The following FANCI variants were observed in gnomAD, a reference collection of about 807,000 sequenced individuals.
FANCI encodes FA complementation group I.
In FANCI, 156 loss-of-function variants were observed where a neutral mutation model predicts 176.1. The observed-to-expected ratio is 0.89, with a 90% CI of 0.78 to 1.01. FANCI has a LOEUF of 1.01. FANCI is among the 50% of genes least tolerant of loss of function. The probability of loss-of-function intolerance (pLI) is 0.00; values close to 1 mark genes in which losing one functional copy is unlikely to be tolerated. For synonymous variants in FANCI, 613 were observed against 541.7 expected (o/e 1.13, Z -1.83); for missense variants, 1,678 against 1,534.1 (o/e 1.09, Z -1.57).
Position 89,292,754 on chromosome 15 carries a change from C to T in FANCI, c.2059C>T (p.Gln687Ter). The change falls in exon 21 of 38, where the codon CAG becomes TAG. Residue 687 changes from glutamine to a stop codon, truncating the protein, a stop_gained. Transcript: ENST00000310775. LOFTEE classifies it high-confidence loss of function. ...TAAGAATACAGTCATACCCTTACAG[C>T]AGGGAGAGGAGGAAGAGGAGGAGGA... ...WYKNTVIPLQ[Q>*]GEEEEEEEEA... 1 of 1,613,826 alleles carries T rather than the reference C, an allele frequency of 6.2e-7. No individual in the cohort carries two copies.
chr15:89,308,049 A>T, intron 34 of FANCI: 1 of 1,153,636 alleles, frequency 8.7e-7, no homozygotes. Context: ...ATGAGACGGC[A>T]GTGCAGTGAG....
chr15:89,250,926 AAAG>A (rs2052219965), intron 2 of FANCI, among the ~76,000 whole-genome samples: 1 of 151,838 alleles, frequency 6.6e-6, no homozygotes, highest in Non-Finnish European at 1.5e-5. Context: ...AACCTAGAAA[AAAG>A]AGAAAGTAAA....
intron 35 of FANCI, among the ~76,000 whole-genome samples, chr15:89,313,767 C>T (rs1809824138): frequency 6.6e-6 from 1 of 151,910 alleles, no homozygotes; most frequent in Non-Finnish European, 1.5e-5. Context: ...TAATAGAGGA[C>T]TGGCTAAATA....
intron 16 of FANCI, chr15:89,282,173 C>T: frequency 2.9e-6 from 1 of 349,838 alleles, no homozygotes; most frequent in South Asian, 2.5e-5. Context: ...CTTGTGATGT[C>T]AAGTACTTTG....
intron 2 of FANCI, among the ~76,000 whole-genome samples, chr15:89,253,987 C>G (rs945085170): frequency 6.6e-6 from 1 of 152,150 alleles, no homozygotes; most frequent in Non-Finnish European, 1.5e-5. Flanking sequence ...GCCACCATGC[C>G]TGGCCCCATG....
intron 2 of FANCI, among the ~76,000 whole-genome samples, chr15:89,258,204 C>A (rs140032254): frequency 6.6e-6 from 1 of 152,170 alleles, no homozygotes; most frequent in Admixed American, 6.5e-5. Context: ...CCTTCTTGTC[C>A]GCCAGGTCTC....
intron 10 of FANCI, 22 bp from the exon 11 acceptor site, chr15:89,273,355 C>A (rs1366787252): frequency 1.7e-6 from 2 of 1,171,786 alleles, no homozygotes; most frequent in African/African-American, 1.6e-5. Flanking sequence ...TAAATGACTT[C>A]CTTTTGGTTG....
At chr15:89,315,046 T>C (rs1209016483) in intron 36 of FANCI, among the ~76,000 whole-genome samples, 1 of 152,056 alleles carries the variant, frequency 6.6e-6, no homozygotes, top group Non-Finnish European at 1.5e-5. Flanking sequence ...TGGCCTGAAG[T>C]GATCCTTCCA....
chr15:89,291,677 T>G lies in FANCI; in HGVS notation c.1955T>G (p.Leu652Arg), dbSNP rs2151709881. 1 of 1,613,896 alleles carries G rather than the reference T, an allele frequency of 6.2e-7. No individual in the cohort carries two copies. The highest frequency in any genetic ancestry group is 8.5e-7 in the Non-Finnish European group (1 of 1,179,842). The change falls in exon 20 of 38, where the codon CTG (leucine) becomes CGG (arginine). Residue 652 changes from leucine (L) to arginine (R), a missense_variant. Physicochemically the swap from Leu to Arg is moderately radical, Grantham distance 102. Coordinates refer to ENST00000310775, the MANE Select transcript of FANCI (RefSeq NM_001113378.2). The stretch of plus-strand genomic sequence containing the variant: ...CCTCTGAAATTAGAAGCTTGTATTC[T>G]GACCCAAGGAGATAAGATCTCTCTA... ...LPPLKLEACI[L>R]TQGDKISLQE...
intron 16 of FANCI, 75 bp from the exon 17 acceptor site, chr15:89,283,061 A>G (rs2151578743): frequency 7.0e-7 from 1 of 1,436,068 alleles, no homozygotes; most frequent in East Asian, 2.3e-5. Flanking sequence ...GTATGCAACT[A>G]GCTGGATTTT....
At chr15:89,270,118 A>T (rs2053142786) in intron 10 of FANCI, among the ~76,000 whole-genome samples, 3 of 149,554 alleles carry the variant, frequency 2.0e-5, no homozygotes, top group Admixed American at 6.7e-5. Context: ...CCTTCCTTTG[A>T]TTTTTTTTTT....
At position 89,284,977 on chromosome 15, in the gene FANCI, C is replaced by A; in HGVS notation, c.1699-119C>A. 5.4e-6 allele frequency: 6 copies of A among 1,107,350 alleles called. No homozygotes were observed. In the South Asian group the frequency reaches 7.5e-5, roughly 14 times the overall value. 68.6% of individuals were successfully genotyped at this position (1,107,350 alleles called of 1,614,324 possible). A position where few individuals can be genotyped will look rare whatever the true frequency, so the allele number is the denominator to read the frequency against. On this transcript the variant is annotated intron_variant, in intron 17 of 37. Transcript: ENST00000310775. ...TAATGATTATACTGTGTGTCTCACC[C>A]CTGGGGTTTGGCATGTGGAGGAAGC...
At position 89,316,834 on chromosome 15, in the gene FANCI, GAT is replaced by G. The variant is rs761859226; in HGVS notation, c.*377_*378del. 5.6e-6 allele frequency: 9 copies of G among 1,610,770 alleles called. No homozygotes were observed. Among genetic ancestry groups the G allele is most frequent in the South Asian group, 5.5e-5 (5 of 91,028 alleles). ...TAAATATCCAGCGCTTCACCTGAAAGATAGTGCAAATTGGTTAGGATGCCACC... is the reference window on the plus strand; with the variant it reads ...TAAATATCCAGCGCTTCACCTGAAAGAGTGCAAATTGGTTAGGATGCCACC... On this transcript the variant is annotated 3_prime_UTR_variant, in exon 38 of 38. Coordinates refer to ENST00000310775, the MANE Select transcript of FANCI (RefSeq NM_001113378.2).
chr15:89,273,251 C>T, intron 10 of FANCI, 126 bp from the exon 11 acceptor site: 1 of 634,536 alleles, frequency 1.6e-6, no homozygotes, highest in South Asian at 1.9e-5. Flanking sequence ...CTGCAGTGAG[C>T]TATGATTGCA....
chr15:89,264,446 C>A, intron 8 of FANCI, 76 bp from the exon 9 acceptor site: 1 of 1,228,346 alleles, frequency 8.1e-7, no homozygotes, highest in Non-Finnish European at 1.2e-6. Context: ...ATTCTTTAAG[C>A]TGAAAACTAC....
chr15:89,256,860 C>G, intron 2 of FANCI, among the ~76,000 whole-genome samples: 1 of 152,170 alleles, frequency 6.6e-6, no homozygotes, highest in East Asian at 1.9e-4. Flanking sequence ...TATCCACCAG[C>G]TAGCTGCTTA....
intron 34 of FANCI, among the ~76,000 whole-genome samples, chr15:89,310,606 T>C (rs2151965665): frequency 6.6e-6 from 1 of 152,392 alleles, no homozygotes; most frequent in East Asian, 1.9e-4. Context: ...TTTTGTGAGA[T>C]GTATTTAATG....
intron 23 of FANCI, 135 bp from the exon 24 acceptor site, chr15:89,294,780 G>A (rs979744508): frequency 3.7e-6 from 3 of 817,420 alleles, no homozygotes; most frequent in African/African-American, 3.4e-5. Context: ...TGCCTAGAGA[G>A]TCTGCCAGTC....
At chr15:89,264,210 T>TA (rs1345568023) in intron 8 of FANCI, among the ~76,000 whole-genome samples, 184 bp downstream of exon 8, 1 of 152,198 alleles carries the variant, frequency 6.6e-6, no homozygotes, top group Non-Finnish European at 1.5e-5. Context: ...TTTGGTCTGG[T>TA]AAAAGGATCA....
Sources: gnomAD v4.1 joint callset for allele counts (sites outside exome capture counted in the v4.1 genomes callset) on GRCh38, gnomAD v4.1.1 for gene constraint, MANE v1.5 for transcripts, NCBI Gene and HGNC (gene_info 2026-07-23, HGNC 2026-07-21) for gene names.